Variants in SLC3A1 observed in about 807,000 individuals in gnomAD.
The protein encoded by SLC3A1 is amino acid transporter heavy chain SLC3A1.
In SLC3A1, 78 loss-of-function variants were observed where a neutral mutation model predicts 60.3. That is an observed-to-expected ratio of 1.29 (90% confidence interval 1.08 to 1.56). The LOEUF (loss-of-function observed/expected upper bound fraction) is 1.56, where lower values mean the gene tolerates loss of function less well. Ranked by LOEUF, SLC3A1 falls within the 40% of genes most tolerant of loss-of-function variation. The pLI, the probability that SLC3A1 is intolerant of heterozygous loss-of-function variation, is 0.00. For missense variants in SLC3A1, 1,172 were observed against 858.9 expected (o/e 1.36, Z -4.56); for synonymous variants, 392 against 307.9 (o/e 1.27, Z -2.86).
Position 44,320,311 on chromosome 2 carries a change from G to A in SLC3A1, c.1730G>A (p.Ser577Asn). 2 of 1,614,084 alleles carry A rather than the reference G, an allele frequency of 1.2e-6. No homozygotes were observed. Among genetic ancestry groups the A allele is most frequent in the Non-Finnish European group, 1.7e-6 (2 of 1,179,936 alleles). Residue 577 changes from serine (S) to asparagine (N), a missense_variant, in exon 10 of 10, where the codon AGC becomes AAC. Physicochemically the swap from Ser to Asn is conservative, Grantham distance 46. Coordinates refer to ENST00000260649, the MANE Select transcript of SLC3A1 (RefSeq NM_000341.4). ...RGWFCHLRND[S>N]HYVVYTRELD... ...TGGTTTTGCCATTTGAGGAATGACA[G>A]CCACTATGTTGTGTACACAAGAGAG...
chr2:44,276,002 A>T, intron 1 of SLC3A1, 37 bp downstream of exon 1: 2 of 1,590,578 alleles, frequency 1.3e-6, no homozygotes, highest in Non-Finnish European at 8.6e-7. Context: ...GGGTGCCAGG[A>T]TGAGATTGGT....
intron 9 of SLC3A1, chr2:44,318,257 A>C (rs1672604113): frequency 3.3e-6 from 1 of 300,246 alleles, no homozygotes; most frequent in South Asian, 2.5e-5. Flanking sequence ...TGCCCGGGTA[A>C]TTTCTGTATT....
chr2:44,310,149 C>T (rs184261794), intron 7 of SLC3A1, among the ~76,000 whole-genome samples: 30 of 151,030 alleles, frequency 2.0e-4, no homozygotes, highest in African/African-American at 7.1e-4. Context: ...CCACCTTGGC[C>T]CTTAAAGTGT....
intron 3 of SLC3A1, among the ~76,000 whole-genome samples, chr2:44,283,160 A>C (rs1418438968): frequency 6.6e-6 from 1 of 152,016 alleles, no homozygotes; most frequent in Non-Finnish European, 1.5e-5. Flanking sequence ...CTTCTCCATA[A>C]ATATTTAAAC....
intron 4 of SLC3A1, among the ~76,000 whole-genome samples, chr2:44,293,718 G>C (rs1005593488): frequency 1.3e-5 from 2 of 152,112 alleles, no homozygotes; most frequent in African/African-American, 4.8e-5. Flanking sequence ...ATGAGGGCCT[G>C]GTGTTGGTAG....
Position 44,320,713 on chromosome 2 carries a change from C to G in SLC3A1, c.*74C>G, listed in dbSNP as rs1243070968. Reference sequence around the variant, plus strand: ...GCATTTGTAATAGCTTCATGTACAGCATGCTGCTTGGTGAACAATCATTAA... The same window carrying G: ...GCATTTGTAATAGCTTCATGTACAGGATGCTGCTTGGTGAACAATCATTAA... On this transcript the variant is annotated 3_prime_UTR_variant, in exon 10 of 10. Transcript: ENST00000260649. 2 of 1,128,274 alleles carry G rather than the reference C, an allele frequency of 1.8e-6. No individual in the cohort carries two copies. The highest frequency in any genetic ancestry group is 2.7e-6 in the Non-Finnish European group (2 of 740,864). The allele number at this position is 1,128,274 out of a possible 1,614,324, so 69.9% of individuals were successfully genotyped here. A position where few individuals can be genotyped will look rare whatever the true frequency, so the allele number is the denominator to read the frequency against.
At chr2:44,313,622 T>C (rs1340874675) in intron 8 of SLC3A1, among the ~76,000 whole-genome samples, 1 of 152,246 alleles carries the variant, frequency 6.6e-6, no homozygotes, top group Non-Finnish European at 1.5e-5. Context: ...GTATTGTCTA[T>C]TCAAACTCAA....
chr2:44,299,099 C>A (rs1026654769), intron 4 of SLC3A1, among the ~76,000 whole-genome samples: 7 of 150,132 alleles, frequency 4.7e-5, no homozygotes, highest in Admixed American at 4.6e-4. Context: ...AGTGCAATGG[C>A]CCAATCTCGG....
intron 4 of SLC3A1, among the ~76,000 whole-genome samples, chr2:44,288,557 T>G (rs945951086): frequency 1.3e-5 from 2 of 152,244 alleles, no homozygotes; most frequent in African/African-American, 4.8e-5. Context: ...CTGTGTTTAT[T>G]TGAGAAACTG....
intron 9 of SLC3A1, chr2:44,318,276 G>C (rs533302843): frequency 7.1e-6 from 2 of 283,508 alleles, no homozygotes. Flanking sequence ...TTTTTTAGTA[G>C]AGATGGTGTT....
At chr2:44,318,123 C>G (rs918546037) in intron 9 of SLC3A1, 11 of 436,244 alleles carry the variant, frequency 2.5e-5, no homozygotes, top group Middle Eastern at 3.4e-4. Flanking sequence ...GACAGTCTTG[C>G]TCCGTCACCC....
intron 7 of SLC3A1, among the ~76,000 whole-genome samples, chr2:44,309,878 A>G (rs966712006): frequency 6.6e-6 from 1 of 152,056 alleles, no homozygotes; most frequent in African/African-American, 2.4e-5. Flanking sequence ...GATTACAGGC[A>G]TAAGCCACTG....
At chr2:44,311,097 A>G in intron 7 of SLC3A1, among the ~76,000 whole-genome samples, 1 of 152,210 alleles carries the variant, frequency 6.6e-6, no homozygotes, top group South Asian at 2.1e-4. Context: ...GCCTGGCCTC[A>G]TTCTTCTTTT....
At chr2:44,318,094 T>C (rs1558473549) in intron 9 of SLC3A1, 1 of 368,322 alleles carries the variant, frequency 2.7e-6, no homozygotes, top group Non-Finnish European at 5.1e-6. Flanking sequence ...ATCTCAACAC[T>C]GTTTTTTTTT....
intron 7 of SLC3A1, among the ~76,000 whole-genome samples, chr2:44,306,801 C>G (rs1275900101): frequency 6.6e-6 from 1 of 152,074 alleles, no homozygotes; most frequent in Non-Finnish European, 1.5e-5. Context: ...AGGTGATCCA[C>G]CCATCTTGGC....
chr2:44,312,865 A>G (rs1672334443), intron 8 of SLC3A1, 112 bp downstream of exon 8: 1 of 865,366 alleles, frequency 1.2e-6, no homozygotes, highest in South Asian at 1.5e-5. Flanking sequence ...GCTGAAAATC[A>G]TGGTTACTTT....
rs1489024818 is a variant in SLC3A1, at chr2:44,280,898, A to T, written c.610+3A>T. 2.5e-6 allele frequency: 4 copies of T among 1,613,584 alleles called. No individual in the cohort carries two copies. Among genetic ancestry groups the T allele is most frequent in the Non-Finnish European group, 3.4e-6 (4 of 1,179,652 alleles). On this transcript the variant is annotated splice_donor_region_variant and intron_variant, in intron 2 of 9. Coordinates refer to ENST00000260649, the MANE Select transcript of SLC3A1 (RefSeq NM_000341.4). ...GGTTGCAGCCATACATGATAAAGGT[A>T]AGTTGAATGGAAAGTGGGCAAGATG... is the stretch of plus-strand genomic sequence containing the variant.
At chr2:44,290,206 G>T (rs940002182) in intron 4 of SLC3A1, among the ~76,000 whole-genome samples, 1 of 135,314 alleles carries the variant, frequency 7.4e-6, no homozygotes, top group African/African-American at 2.8e-5. Context: ...CTACTGAATT[G>T]TCTGGCAACT....
rs746766731 is a variant in SLC3A1 at position 44,275,841 on chromosome 2, G to A, written c.306G>A (p.Ala102=). 18 of 1,614,200 alleles carry A rather than the reference G, an allele frequency of 1.1e-5. No individual in the cohort carries two copies. The highest frequency in any genetic ancestry group is 3.3e-5 in the Admixed American group (2 of 60,022). The change falls in exon 1 of 10, where the codon GCG becomes GCA. Residue 102 remains alanine (A), a synonymous_variant. Coordinates refer to ENST00000260649, the MANE Select transcript of SLC3A1 (RefSeq NM_000341.4). ...TGGCTTCTGTGCTGGTGCTCATCGC[G>A]GCCACCATAGCCATCATTGCCCTCT... is the stretch of plus-strand genomic sequence containing the variant. ...LTVASVLVLI[A]ATIAIIALSP...
Sources: gnomAD v4.1 joint callset for allele counts (sites outside exome capture counted in the v4.1 genomes callset) on GRCh38, gnomAD v4.1.1 for gene constraint, MANE v1.5 for transcripts, NCBI Gene and HGNC (gene_info 2026-07-23, HGNC 2026-07-21) for gene names.